Variants in IGF2BP3 observed in about 807,000 individuals in gnomAD.
The protein encoded by IGF2BP3 is insulin-like growth factor 2 mRNA-binding protein 3.
A neutral mutation model predicts 73.8 loss-of-function variants in IGF2BP3; 9 were observed. That is an observed-to-expected ratio of 0.12 (90% CI 0.07 to 0.21). IGF2BP3 has a LOEUF of 0.21. Among genes scored for constraint, IGF2BP3 ranks in the 10% least tolerant of loss-of-function variants. The pLI, the probability that IGF2BP3 is intolerant of heterozygous loss-of-function variation, is 1.00. For synonymous variants in IGF2BP3, 258 were observed against 256.7 expected (o/e 1.01, Z -0.05); for missense variants, 542 against 714.0 (o/e 0.76, Z 2.75).
intron 2 of IGF2BP3, among the ~76,000 whole-genome samples, chr7:23,464,868 G>A (rs1044171738): frequency 1.3e-5 from 2 of 151,692 alleles, no homozygotes; most frequent in African/African-American, 2.4e-5. Flanking sequence ...AATGCCAACC[G>A]CTAAATCATG....
chr7:23,370,330 A>T (rs1048340438), intron 3 of IGF2BP3, among the ~76,000 whole-genome samples: 1 of 152,212 alleles, frequency 6.6e-6, no homozygotes, highest in Non-Finnish European at 1.5e-5. Flanking sequence ...ACTGACTTCC[A>T]TGCTTAAGCT....
chr7:23,318,044 T>C (rs192000095), intron 11 of IGF2BP3, among the ~76,000 whole-genome samples: 2 of 152,274 alleles, frequency 1.3e-5, no homozygotes, highest in East Asian at 1.9e-4. Context: ...TGGACCATGA[T>C]CACACAGCTA....
chr7:23,430,598 T>C (rs566963734), intron 2 of IGF2BP3, among the ~76,000 whole-genome samples: 37 of 152,340 alleles, frequency 2.4e-4, no homozygotes, highest in African/African-American at 8.7e-4. Context: ...GGCTATACTG[T>C]AATTACACCT....
intron 10 of IGF2BP3, among the ~76,000 whole-genome samples, chr7:23,321,758 C>G (rs1297584376): frequency 6.6e-6 from 1 of 152,204 alleles, no homozygotes; most frequent in African/African-American, 2.4e-5. Context: ...CAAGTGGGTC[C>G]CTGACCCCTG....
intron 3 of IGF2BP3, chr7:23,362,728 C>T (rs1358659223): frequency 6.6e-6 from 1 of 152,170 alleles, no homozygotes; most frequent in Non-Finnish European, 1.5e-5. Flanking sequence ...ACTTACTCAT[C>T]AGTTTAACTA....
intron 3 of IGF2BP3, among the ~76,000 whole-genome samples, chr7:23,403,302 T>C (rs1786726168): frequency 6.6e-6 from 1 of 152,238 alleles, no homozygotes; most frequent in Non-Finnish European, 1.5e-5. Context: ...ATTCTACATA[T>C]GGTACAAGCA....
In IGF2BP3 at chr7:23,371,330, A is replaced by G. The variant is rs376549035; in HGVS notation, c.286-9589T>C. Among the ~76,000 whole-genome samples, 264 of 151,262 alleles carry G rather than the reference A, an allele frequency of 1.7e-3. 4 individuals carry two copies. The highest frequency in any genetic ancestry group is 6.2e-3 in the African/African-American group (251 of 40,538). On this transcript the variant is annotated intron_variant, in intron 3 of 14. Coordinates refer to ENST00000258729, the MANE Select transcript of IGF2BP3 (RefSeq NM_006547.3). The stretch of plus-strand genomic sequence containing the variant: ...TATGGAGATGAAGGGAACATCCTTC[A>G]AACAGCTCAGCACAGTTTATACAAA...
At chr7:23,327,072 AAATTAATT>A (rs1298008157) in intron 10 of IGF2BP3, among the ~76,000 whole-genome samples, 2 of 148,516 alleles carry the variant, frequency 1.3e-5, no homozygotes, top group African/African-American at 5.1e-5. Context: ...TATAATAAAT[AAATTAATT>A]AATTAATTAA....
intron 2 of IGF2BP3, among the ~76,000 whole-genome samples, chr7:23,466,671 A>G (rs1788573677): frequency 6.6e-6 from 1 of 152,270 alleles, no homozygotes; most frequent in African/African-American, 2.4e-5. Flanking sequence ...TGGACTAAGC[A>G]AAAGCCTTTA....
chr7:23,438,871 T>A (rs762107351), intron 2 of IGF2BP3, among the ~76,000 whole-genome samples: 3 of 152,056 alleles, frequency 2.0e-5, no homozygotes, highest in Non-Finnish European at 2.9e-5. Context: ...ACTGAGATGC[T>A]AAAAAAAATT....
chr7:23,361,652 C>T lies in IGF2BP3; in HGVS notation c.337+38G>A, dbSNP rs757211883. 3.7e-6 allele frequency: 6 copies of T among 1,613,392 alleles called. No homozygotes were observed. The Admixed American group carries it at 8.3e-5, about 22-fold the overall frequency. On this transcript the variant is annotated intron_variant, in intron 4 of 14. Coordinates refer to ENST00000258729, the MANE Select transcript of IGF2BP3 (RefSeq NM_006547.3). ...AAGTTAGTTTTCTTTCTACTTCCTT[C>T]CTTTTACAAATTTGAAAGCAATTCA...
intron 2 of IGF2BP3, among the ~76,000 whole-genome samples, chr7:23,439,516 C>T (rs747345196): frequency 7.5e-6 from 1 of 133,874 alleles, no homozygotes; most frequent in Non-Finnish European, 1.5e-5. Flanking sequence ...AAGATCGTGC[C>T]ACTGCACTCC....
intron 3 of IGF2BP3, among the ~76,000 whole-genome samples, chr7:23,386,440 C>A (rs74418529): frequency 0.017 from 2,567 of 152,240 alleles, 65 homozygotes; most frequent in African/African-American, 0.058. Flanking sequence ...AACAAAAAAC[C>A]ACCACACACA....
In IGF2BP3 at chr7:23,349,068, G is replaced by A. The variant is rs546965805; in HGVS notation, c.684-1334C>T. The stretch of plus-strand genomic sequence containing the variant: ...TTACCAACAGCTACCCAGGTGAGAC[G>A]AATGGTAACTTTTTAATTTACATAT... On this transcript the variant is annotated intron_variant, in intron 6 of 14. Transcript: ENST00000258729. Among the ~76,000 whole-genome samples the A allele has an allele frequency of 1.2e-3, 176 of 152,184 alleles. 1 individual carries two copies. Among genetic ancestry groups the A allele is most frequent in the Non-Finnish European group, 1.3e-3 (87 of 68,014 alleles).
At chr7:23,357,794 T>C (rs1475062549) in intron 5 of IGF2BP3, among the ~76,000 whole-genome samples, 1 of 152,268 alleles carries the variant, frequency 6.6e-6, no homozygotes, top group Non-Finnish European at 1.5e-5. Flanking sequence ...TTTGATTTAT[T>C]TTAGCCACAA....
chr7:23,434,838 A>C (rs984312669), intron 2 of IGF2BP3, among the ~76,000 whole-genome samples: 2 of 152,166 alleles, frequency 1.3e-5, no homozygotes, highest in Non-Finnish European at 2.9e-5. Context: ...TTAAAAAAAA[A>C]CTTTCACTTA....
chr7:23,449,923 T>A (rs969216793), intron 2 of IGF2BP3, among the ~76,000 whole-genome samples: 1 of 152,158 alleles, frequency 6.6e-6, no homozygotes, highest in African/African-American at 2.4e-5. Flanking sequence ...AAGTATGGTA[T>A]AAGGAATCCC....
intron 2 of IGF2BP3, among the ~76,000 whole-genome samples, chr7:23,426,724 TGA>T (rs1489403707): frequency 6.6e-6 from 1 of 152,180 alleles, no homozygotes; most frequent in African/African-American, 2.4e-5. Flanking sequence ...GTTTCATATT[TGA>T]GAGAGGCAAT....
chr7:23,352,860 A>C (rs549680051), intron 5 of IGF2BP3, among the ~76,000 whole-genome samples: 3 of 152,208 alleles, frequency 2.0e-5, no homozygotes, highest in Non-Finnish European at 4.4e-5. Context: ...TCATATCTGG[A>C]AACTTTTAAT....
Sources: gnomAD v4.1 joint callset for allele counts (sites outside exome capture counted in the v4.1 genomes callset) on GRCh38, gnomAD v4.1.1 for gene constraint, MANE v1.5 for transcripts, NCBI Gene and HGNC (gene_info 2026-07-23, HGNC 2026-07-21) for gene names.